TBC1D10A: variants seen among roughly 807,000 people sequenced by gnomAD.
The protein encoded by TBC1D10A is EBP50-PDX interactor of 64 kDa.
A neutral mutation model predicts 52.9 loss-of-function variants in TBC1D10A; 24 were observed. The observed-to-expected ratio is 0.45, with a 90% confidence interval of 0.33 to 0.64. The LOEUF is 0.64. TBC1D10A is among the 30% of genes least tolerant of loss of function. The pLI, the probability that TBC1D10A is intolerant of heterozygous loss-of-function variation, is 0.02. For synonymous variants in TBC1D10A, 278 were observed against 282.9 expected, an observed-to-expected ratio of 0.98 and a Z score of 0.17; for missense variants, 602 against 687.9, an observed-to-expected ratio of 0.88 and a Z score of 1.40.
intron 1 of TBC1D10A, among the ~76,000 whole-genome samples, chr22:30,315,782 T>C (rs935645787): frequency 6.6e-6 from 1 of 152,188 alleles, no homozygotes; most frequent in African/African-American, 2.4e-5. Flanking sequence ...GAGCTGTGTG[T>C]GGAGTCCTGG....
chr22:30,326,861 C>T lies in TBC1D10A; in HGVS notation c.21G>A (p.Glu7=), dbSNP rs1487688328. 1.3e-6 allele frequency: 2 copies of T among 1,502,972 alleles called. No individual in the cohort carries two copies. The highest frequency in any genetic ancestry group is 1.2e-5 in the South Asian group (1 of 80,464). The allele number at this position is 1,502,972 out of a possible 1,614,324, so 93.1% of individuals were successfully genotyped here. A position where few individuals can be genotyped will look rare whatever the true frequency, so the allele number is the denominator to read the frequency against. MAKSNG[E]NGPRAPAAGE... ...CGGCCGCGGGCGCGCGCGGCCCATT[C>T]TCTCCGTTGCTCTTCGCCATCCCAG... The change falls in exon 1 of 9, where the codon GAG becomes GAA. Residue 7 remains glutamate (E), a synonymous_variant. Coordinates refer to ENST00000215790, the MANE Select transcript of TBC1D10A (RefSeq NM_031937.3).
At chr22:30,302,889 C>T (rs909969854) in intron 2 of TBC1D10A, among the ~76,000 whole-genome samples, 1 of 152,228 alleles carries the variant, frequency 6.6e-6, no homozygotes, top group Non-Finnish European at 1.5e-5. Context: ...GAGCAAGCTA[C>T]AGCTCACAGT....
In TBC1D10A at chr22:30,292,173, TGCCACTG is replaced by T; in HGVS notation, c.*195_*201del. 1 of 512,874 alleles carries T rather than the reference TGCCACTG, an allele frequency of 1.9e-6. No individual in the cohort carries two copies. Among genetic ancestry groups the T allele is most frequent in the South Asian group, 4.3e-5 (1 of 23,150 alleles). 31.8% of individuals were successfully genotyped at this position (512,874 alleles called of 1,614,324 possible). Reference sequence around the variant, plus strand: ...CCTGCCCTGGCTGGGCCAGCCTGAGTGCCACTGTAAAGAAAATAAATAAGGAGGCTCA... The same window carrying T: ...CCTGCCCTGGCTGGGCCAGCCTGAGTTAAAGAAAATAAATAAGGAGGCTCA... On this transcript the variant is annotated 3_prime_UTR_variant, in exon 9 of 9. Transcript: ENST00000215790.
chr22:30,310,045 C>T (rs954091539), intron 1 of TBC1D10A, among the ~76,000 whole-genome samples: 6 of 152,218 alleles, frequency 3.9e-5, no homozygotes, highest in Non-Finnish European at 8.8e-5. Context: ...TCACAGACCA[C>T]AGGACTGATC....
intron 4 of TBC1D10A, 102 bp from the exon 5 acceptor site, chr22:30,295,157 C>T: frequency 4.4e-6 from 5 of 1,139,432 alleles, no homozygotes; most frequent in Non-Finnish European, 6.4e-6. Context: ...ATCTGCCCCT[C>T]CCTTGAGAGG....
intron 8 of TBC1D10A, 192 bp downstream of exon 8, chr22:30,293,459 G>T: frequency 2.2e-6 from 2 of 898,632 alleles, no homozygotes; most frequent in Non-Finnish European, 1.8e-6. Context: ...AGGCCCTGCA[G>T]AGCCAAGCCT....
chr22:30,294,753 G>A (rs756545432), intron 6 of TBC1D10A, 43 bp downstream of exon 6: 8 of 1,612,818 alleles, frequency 5.0e-6, no homozygotes, highest in Non-Finnish European at 6.8e-6. Context: ...GGGCCACAGA[G>A]GGTGTCCAGC....
chr22:30,295,917 G>A, intron 3 of TBC1D10A, 74 bp from the exon 4 acceptor site: 1 of 1,374,460 alleles, frequency 7.3e-7, no homozygotes, highest in Non-Finnish European at 9.9e-7. Context: ...GGCTGCCCAG[G>A]GATTAGGGGA....
At chr22:30,305,958 C>T (rs1481446390) in intron 1 of TBC1D10A, among the ~76,000 whole-genome samples, 2 of 152,224 alleles carry the variant, frequency 1.3e-5, no homozygotes, top group Non-Finnish European at 2.9e-5. Flanking sequence ...TGAGTTACTC[C>T]TTTCTTTGCC....
chr22:30,305,729 GA>G (rs1930298321), intron 1 of TBC1D10A: 1 of 152,310 alleles, frequency 6.6e-6, no homozygotes, highest in African/African-American at 2.4e-5. Flanking sequence ...AGAGCAGAGG[GA>G]GGGGCCCTGG....
At chr22:30,321,733 C>T (rs2145786318) in intron 1 of TBC1D10A, among the ~76,000 whole-genome samples, 1 of 152,168 alleles carries the variant, frequency 6.6e-6, no homozygotes, top group East Asian at 1.9e-4. Context: ...CTCAGGAGGC[C>T]AGACCTGACA....
At chr22:30,294,628 C>T (rs1930032819) in intron 6 of TBC1D10A, among the ~76,000 whole-genome samples, 168 bp downstream of exon 6, 2 of 152,220 alleles carry the variant, frequency 1.3e-5, no homozygotes, top group African/African-American at 4.8e-5. Flanking sequence ...GAAGGGATAA[C>T]ATTGTAACCC....
intron 2 of TBC1D10A, among the ~76,000 whole-genome samples, chr22:30,304,037 C>T (rs963714532): frequency 7.9e-5 from 12 of 152,186 alleles, no homozygotes; most frequent in East Asian, 7.7e-4. Context: ...GCTAAGAGGG[C>T]AGGTGCTAAA....
rs765107481 is a variant in TBC1D10A, at chr22:30,293,767, T to G, written c.934A>C (p.Lys312Gln). Residue 312 changes from lysine to glutamine, a missense_variant, in exon 8 of 9, where the codon AAG becomes CAG. Physicochemically the swap from Lys to Gln is moderately conservative, Grantham distance 53. Transcript: ENST00000215790. The part of the protein sequence containing the change: ...IIFRVGLVLL[K>Q]HALGSPEKVK... ...TTCTCAGGGGAGCCCAGCGCGTGCT[T>G]CAGCAGCACCAGCCCCACCCGGAAG... 12 of 1,612,616 alleles carry G rather than the reference T, an allele frequency of 7.4e-6. No homozygotes were observed. The Admixed American group carries it at 2.0e-4, about 27-fold the overall frequency.
At chr22:30,304,812 C>G (rs1930278476) in intron 1 of TBC1D10A, among the ~76,000 whole-genome samples, 182 bp from the exon 2 acceptor site, 1 of 152,264 alleles carries the variant, frequency 6.6e-6, no homozygotes, top group Non-Finnish European at 1.5e-5. Context: ...ACCTCCCCAT[C>G]CACCGCCTCA....
In TBC1D10A at chr22:30,292,445, G is replaced by A; in HGVS notation, c.1457C>T (p.Pro486Leu). The A allele has an allele frequency of 6.2e-7, 1 of 1,601,582 alleles. No homozygotes were observed. Among genetic ancestry groups the A allele is most frequent in the Non-Finnish European group, 8.5e-7 (1 of 1,172,990 alleles). ...PKDSAPQDLA[P>L]QVSAHHRSQE... The stretch of plus-strand genomic sequence containing the variant: ...GGAGCGGTGGTGGGCTGAGACCTGG[G>A]GAGCCAAATCCTGAGGGGCTGAGTC... The change falls in exon 9 of 9, where the codon CCC becomes CTC. Residue 486 changes from proline (P) to leucine (L), a missense_variant. This residue lies in a region of TBC1D10A where 265 missense variants were observed against 275.1 expected (regional missense o/e 0.96). Coordinates refer to ENST00000215790, the MANE Select transcript of TBC1D10A (RefSeq NM_031937.3).
chr22:30,321,334 A>G (rs1056429844), intron 1 of TBC1D10A, among the ~76,000 whole-genome samples: 3 of 152,172 alleles, frequency 2.0e-5, no homozygotes, highest in African/African-American at 7.2e-5. Context: ...GACCACCCCA[A>G]TGCCAGCTCC....
chr22:30,316,456 TTTTTG>T (rs1264855175), intron 1 of TBC1D10A, among the ~76,000 whole-genome samples: 2 of 141,502 alleles, frequency 1.4e-5, no homozygotes, highest in African/African-American at 5.3e-5. Context: ...ACTGTTTTTG[TTTTTG>T]TTTTTTTTTT....
At chr22:30,294,164 C>T in intron 6 of TBC1D10A, 54 bp from the exon 7 acceptor site, 1 of 1,591,974 alleles carries the variant, frequency 6.3e-7, no homozygotes, top group East Asian at 2.2e-5. Context: ...GGAGCCAGGG[C>T]AGAGACTACA....
Sources: allele counts gnomAD v4.1 joint callset (sites outside exome capture counted in the v4.1 genomes callset), GRCh38; gene constraint gnomAD v4.1.1; regional missense constraint gnomAD v4.1.1; transcripts MANE v1.5; gene names NCBI Gene and HGNC (gene_info 2026-07-23, HGNC 2026-07-21).